Variants in ZNF347 observed in about 807,000 individuals in gnomAD.
ZNF347 encodes CTD-2620I22.7.
A neutral mutation model predicts 12.9 loss-of-function variants in ZNF347; 19 were observed. The ratio of observed to expected loss-of-function variants is 1.47; its 90% CI spans 1.03 to 2.16. ZNF347 has a LOEUF of 2.16. ZNF347 is among the 30% of genes most tolerant of loss of function. ZNF347 has a pLI of 0.00. For synonymous variants in ZNF347, 328 were observed against 340.6 expected, an observed-to-expected ratio of 0.96 and a Z score of 0.41; for missense variants, 1,005 against 990.6, an observed-to-expected ratio of 1.01 and a Z score of -0.19.
At chr19:53,151,908 C>G (rs2090500552) in intron 2 of ZNF347, among the ~76,000 whole-genome samples, 1 of 152,008 alleles carries the variant, frequency 6.6e-6, no homozygotes, top group Non-Finnish European at 1.5e-5. Context: ...GCCTGACCAA[C>G]ATGGTGAAAC....
In ZNF347 at chr19:53,138,844, G is replaced by A. The variant is rs1372363604; in HGVS notation, c.*1464C>T. On this transcript the variant is annotated 3_prime_UTR_variant, in exon 5 of 5. Transcript: ENST00000334197. Reference sequence around the variant, plus strand: ...TGAATTTTTTTTAGCAAAACATTATGTCTGTGACACATTCTTAATAAAACT... The same window carrying A: ...TGAATTTTTTTTAGCAAAACATTATATCTGTGACACATTCTTAATAAAACT... The A allele has an allele frequency of 6.6e-6, 1 of 152,070 alleles. No individual in the cohort carries two copies. The highest frequency in any genetic ancestry group is 1.5e-5 in the Non-Finnish European group (1 of 68,002). 9.4% of individuals were successfully genotyped at this position (152,070 alleles called of 1,614,324 possible).
At chr19:53,158,255 G>T (rs1467140837) in intron 1 of ZNF347, among the ~76,000 whole-genome samples, 1 of 152,048 alleles carries the variant, frequency 6.6e-6, no homozygotes, top group Non-Finnish European at 1.5e-5. Flanking sequence ...GGCCCGGCAC[G>T]AGGAGGAGGG....
Position 53,148,710 on chromosome 19 carries a change from C to A in ZNF347, c.242G>T (p.Gly81Val), listed in dbSNP as rs1183981539. ...GATCACAGCTTTGATCCATTCCCAT[C>A]CATCTGGGTTTCCTGCTATTTGTAC... The part of the protein sequence containing the change: ...SQVQIAGNPD[G>V]WEWIKAVITA... The change falls in exon 4 of 5, where the codon GGA becomes GTA. Residue 81 changes from glycine (G) to valine (V), a missense_variant. Coordinates refer to ENST00000334197, the MANE Select transcript of ZNF347 (RefSeq NM_032584.3). 1 of 1,613,872 alleles carries A rather than the reference C, an allele frequency of 6.2e-7. No individual in the cohort carries two copies. Among genetic ancestry groups the A allele is most frequent in the Non-Finnish European group, 8.5e-7 (1 of 1,179,928 alleles).
intron 4 of ZNF347, among the ~76,000 whole-genome samples, 200 bp from the exon 5 acceptor site, chr19:53,142,756 T>G (rs1304724865): frequency 6.6e-6 from 1 of 152,186 alleles, no homozygotes; most frequent in Non-Finnish European, 1.5e-5. Context: ...TAAAGTTGAT[T>G]CCATGTAATT....
rs577845897 is a variant in ZNF347, at chr19:53,141,092, G to C, written c.1736C>G (p.Thr579Ser). 308 of 1,613,520 alleles carry C rather than the reference G, an allele frequency of 1.9e-4. 1 individual carries two copies. The highest frequency in any genetic ancestry group is 1.7e-3 in the Middle Eastern group (10 of 6,056). ...ATGTCTTGCAAGGTGTGAATTCTGA[G>C]TGAAGACCTTGCCACACTCATTACA... ...YKCNECGKVF[T>S]QNSHLARHRG... Residue 579 changes from threonine (T) to serine (S), a missense_variant, in exon 5 of 5, where the codon ACT becomes AGT. Transcript: ENST00000334197.
chr19:53,136,051 T>C lies in ZNF347; in HGVS notation c.*4257A>G, dbSNP rs979463299. 6 of 151,954 alleles carry C rather than the reference T, an allele frequency of 3.9e-5. No individual in the cohort carries two copies. The East Asian group carries it at 1.2e-3, about 29-fold the overall frequency. 9.4% of individuals were successfully genotyped at this position (151,954 alleles called of 1,614,324 possible). ...ATTATCTCCTTTGCATAAATGATAA[T>C]TAATATCTTGGGGACTCTCTTATTA... On this transcript the variant is annotated 3_prime_UTR_variant, in exon 5 of 5. Coordinates refer to ENST00000334197, the MANE Select transcript of ZNF347 (RefSeq NM_032584.3).
At chr19:53,148,941 C>T in intron 3 of ZNF347, 132 bp from the exon 4 acceptor site, 1 of 1,286,050 alleles carries the variant, frequency 7.8e-7, no homozygotes, top group Non-Finnish European at 1.1e-6. Context: ...CTAAATGCTT[C>T]TTTATAAATT....
rs778660112 is a variant in ZNF347 at position 53,140,154 on chromosome 19, A to T, written c.*154T>A. 7.0e-6 allele frequency: 5 copies of T among 716,598 alleles called. No individual in the cohort carries two copies. The South Asian group carries it at 8.4e-5, about 12-fold the overall frequency. The allele number at this position is 716,598 out of a possible 1,614,324, so 44.4% of individuals were successfully genotyped here. ...ACCTCAGGTGATCCACCTGCCTCGG[A>T]CTCCCAAAGTGTTGGGATTACAGGC... is the stretch of plus-strand genomic sequence containing the variant. On this transcript the variant is annotated 3_prime_UTR_variant, in exon 5 of 5. Transcript: ENST00000334197.
intron 2 of ZNF347, among the ~76,000 whole-genome samples, chr19:53,150,059 C>A (rs1243148403): frequency 2.0e-5 from 3 of 152,112 alleles, no homozygotes; most frequent in South Asian, 2.1e-4. Context: ...ATTAATCAAA[C>A]CTGAGGAGGG....
chr19:53,158,853 C>T (rs1383557246), intron 1 of ZNF347, 156 bp downstream of exon 1: 5 of 148,548 alleles, frequency 3.4e-5, no homozygotes, highest in Non-Finnish European at 7.4e-5. Context: ...GCCGAAATCG[C>T]GCCATTGCAC....
chr19:53,141,990 G>C lies in ZNF347; in HGVS notation c.838C>G (p.Gln280Glu). Reference sequence around the variant, plus strand: ...GGTTTCTCTTTAGTATGACTTCTCTGATGACTTGCAAGGTGTGAATTTTGA... The same window carrying C: ...GGTTTCTCTTTAGTATGACTTCTCTCATGACTTGCAAGGTGTGAATTTTGA... ...FPQNSHLASHQRSHTKEKPYK... is the reference protein window; with the variant it reads ...FPQNSHLASHERSHTKEKPYK... The change falls in exon 5 of 5, where the codon CAG becomes GAG. Residue 280 changes from glutamine to glutamate, a missense_variant. Gln to Glu is a conservative substitution (Grantham distance 29, BLOSUM62 2). Transcript: ENST00000334197. The C allele has an allele frequency of 6.2e-7, 1 of 1,614,122 alleles. No individual in the cohort carries two copies. The highest frequency in any genetic ancestry group is 8.5e-7 in the Non-Finnish European group (1 of 1,180,026).
Position 53,155,655 on chromosome 19 carries a change from A to T in ZNF347, c.-46-1862T>A, listed in dbSNP as rs62115501. ...CAGCCCTGTGTACGTGTCTTAATGG[A>T]GAACACCACTCCCTAGGTACAGGGA... On this transcript the variant is annotated intron_variant, in intron 1 of 4. Transcript: ENST00000334197. Among the ~76,000 whole-genome samples the T allele has an allele frequency of 3.6e-3, 547 of 152,190 alleles. 2 individuals carry two copies. The highest frequency in any genetic ancestry group is 0.02 in the Middle Eastern group (6 of 294).
At chr19:53,144,288 G>C (rs546921572) in intron 4 of ZNF347, among the ~76,000 whole-genome samples, 2 of 152,218 alleles carry the variant, frequency 1.3e-5, no homozygotes, top group Admixed American at 1.3e-4. Flanking sequence ...GATGGAAAAA[G>C]ATATTTCATG....
chr19:53,144,646 A>G (rs10415467), intron 4 of ZNF347, among the ~76,000 whole-genome samples: 95,696 of 151,834 alleles, frequency 0.63, 31,141 homozygotes, highest in South Asian at 0.77. Flanking sequence ...TTTTAAACAG[A>G]TGGGATCTCC....
Position 53,142,250 on chromosome 19 carries a change from G to A in ZNF347, c.578C>T (p.Pro193Leu), listed in dbSNP as rs371965731. 8 of 1,613,444 alleles carry A rather than the reference G, an allele frequency of 5.0e-6. No homozygotes were observed. The African/African-American group carries it at 9.3e-5, about 19-fold the overall frequency. The change falls in exon 5 of 5, where the codon CCT becomes CTT. Residue 193 changes from proline (P) to leucine (L), a missense_variant. Physicochemically the swap from Pro to Leu is moderately conservative, Grantham distance 98. Transcript: ENST00000334197. The stretch of plus-strand genomic sequence containing the variant: ...TTCATATTGAAAAAGCTGCAGTTCA[G>A]GCAGATGTGACTGAAGGCTTAATCC... ...QLGLSLQSHL[P>L]ELQLFQYEGK...
Position 53,141,113 on chromosome 19 carries a change from T to C in ZNF347, c.1715A>G (p.Asn572Ser). The C allele has an allele frequency of 3.1e-6, 5 of 1,614,146 alleles. No individual in the cohort carries two copies. Among genetic ancestry groups the C allele is most frequent in the Non-Finnish European group, 4.2e-6 (5 of 1,180,024 alleles). ...CTGAGTGAAGACCTTGCCACACTCATTACATTTGTAAGGTTTTTCTCCAGT... is the reference window on the plus strand; with the variant it reads ...CTGAGTGAAGACCTTGCCACACTCACTACATTTGTAAGGTTTTTCTCCAGT... ...IHTGEKPYKC[N>S]ECGKVFTQNS... The change falls in exon 5 of 5, where the codon AAT becomes AGT. Residue 572 changes from asparagine to serine, a missense_variant. Transcript: ENST00000334197.
intron 1 of ZNF347, among the ~76,000 whole-genome samples, chr19:53,154,942 T>C (rs1192962707): frequency 6.6e-6 from 1 of 151,798 alleles, no homozygotes; most frequent in Non-Finnish European, 1.5e-5. Flanking sequence ...AGTTTTGTTT[T>C]GTTTTTTTTT....
Position 53,140,673 on chromosome 19 carries a change from T to C in ZNF347, c.2155A>G (p.Ser719Gly). ...YECNQCGKAF[S>G]VRSSLTTHQA... ...TGGGTAGTTAGGCTTGAACGGACACTAAAGGCTTTCCCACACTGATTACAC... is the reference window on the plus strand; with the variant it reads ...TGGGTAGTTAGGCTTGAACGGACACCAAAGGCTTTCCCACACTGATTACAC... Residue 719 changes from serine to glycine, a missense_variant, in exon 5 of 5, where the codon AGT becomes GGT. Coordinates refer to ENST00000334197, the MANE Select transcript of ZNF347 (RefSeq NM_032584.3). 1 of 1,613,498 alleles carries C rather than the reference T, an allele frequency of 6.2e-7. No individual in the cohort carries two copies. The highest frequency in any genetic ancestry group is 8.5e-7 in the Non-Finnish European group (1 of 1,179,914).
rs2090425730 is a variant in ZNF347 at position 53,141,416 on chromosome 19, T to C, written c.1412A>G (p.His471Arg). The change falls in exon 5 of 5, where the codon CAC (histidine) becomes CGC (arginine). Residue 471 changes from histidine (H) to arginine (R), a missense_variant. Coordinates refer to ENST00000334197, the MANE Select transcript of ZNF347 (RefSeq NM_032584.3). ...ATGAATTAGCTGATGCCTTGCAAGG[T>C]GTGAATTACGCCTAAAGACCTTGCC... is the stretch of plus-strand genomic sequence containing the variant. ...ECGKVFRRNS[H>R]LARHQLIHTG... 6.2e-7 allele frequency: 1 copy of C among 1,613,788 alleles called. No individual in the cohort carries two copies. Among genetic ancestry groups the C allele is most frequent in the South Asian group, 1.1e-5 (1 of 91,078 alleles).
Sources: gnomAD v4.1 joint callset for allele counts (sites outside exome capture counted in the v4.1 genomes callset) on GRCh38, gnomAD v4.1.1 for gene constraint, MANE v1.5 for transcripts, NCBI Gene and HGNC (gene_info 2026-07-23, HGNC 2026-07-21) for gene names.